Variants in GUCY2F observed in about 807,000 individuals in gnomAD.
GUCY2F encodes the protein retinal guanylyl cyclase 2.
Under a neutral mutation model 73.1 loss-of-function variants are expected in GUCY2F, and 61 were observed. That is an observed-to-expected ratio of 0.83 (90% CI 0.68 to 1.03). GUCY2F has a LOEUF of 1.03. GUCY2F is among the 50% of genes least tolerant of loss of function. The pLI is 0.00. For missense variants in GUCY2F, 912 were observed against 854.3 expected, an observed-to-expected ratio of 1.07 and a Z score of -0.84; for synonymous variants, 331 against 307.8, an observed-to-expected ratio of 1.08 and a Z score of -0.79.
intron 6 of GUCY2F, among the ~76,000 whole-genome samples, chrX:109,443,251 C>T (rs1482834263): frequency 9.0e-6 from 1 of 111,022 alleles, no homozygotes; most frequent in African/African-American, 3.3e-5. Context: ...AGGGTAATGC[C>T]ATCCTTTTCC....
rs1203843063 is a variant in GUCY2F at position 109,475,440 on chromosome X, GA to G, written c.496del (p.Ser166LeufsTer12). Reference sequence around the variant, plus strand: ...CCGGATGGGAGAAGGGAGTGTCCGAGAAAAGGTCGGGTAGCTAATTTTATTG... The same window carrying G: ...CCGGATGGGAGAAGGGAGTGTCCGAGAAAGGTCGGGTAGCTAATTTTATTG... ...LDNKISYPTFSRTLPSPIRVL... is the reference protein window; with the variant it reads ...LDNKISYPTFXRTLPSPIRVL... On this transcript the variant is annotated frameshift_variant, in exon 2 of 20. Coordinates refer to ENST00000218006, the MANE Select transcript of GUCY2F (RefSeq NM_001522.3). LOFTEE classifies it high-confidence loss of function. 8.3e-7 allele frequency: 1 copy of G among 1,211,300 alleles called. No individual in the cohort carries two copies.
In GUCY2F at chrX:109,453,647, T is replaced by C. The variant is rs759927502; in HGVS notation, c.1245A>G (p.Glu415=). The change falls in exon 4 of 20, where the codon GAA becomes GAG. Residue 415 remains glutamate, a synonymous_variant. Coordinates refer to ENST00000218006, the MANE Select transcript of GUCY2F (RefSeq NM_001522.3). ...EYVILDTNLK[E]WELHSTYTVD... ...CAGTGTAGGTGCTATGGAGTTCCCA[T>C]TCTTTCAAGTTGGTGTCCAGGATTA... 1.7e-6 allele frequency: 2 copies of C among 1,200,480 alleles called. No homozygotes were observed. Among genetic ancestry groups the C allele is most frequent in the East Asian group, 5.9e-5 (2 of 33,715 alleles).
intron 7 of GUCY2F, among the ~76,000 whole-genome samples, chrX:109,438,276 G>A (rs951971448): frequency 8.9e-5 from 10 of 111,923 alleles, no homozygotes; most frequent in Admixed American, 3.8e-4. Flanking sequence ...CTATGTCTTC[G>A]CATGGCAGAA....
At chrX:109,434,662 T>C (rs1931694953) in intron 7 of GUCY2F, among the ~76,000 whole-genome samples, 1 of 110,396 alleles carries the variant, frequency 9.1e-6, no homozygotes, top group African/African-American at 3.3e-5. Context: ...TGGCTTTTGT[T>C]GCCATTGCTT....
intron 3 of GUCY2F, among the ~76,000 whole-genome samples, chrX:109,461,566 TCTCTCACTAAA>T (rs1932361008): frequency 8.9e-6 from 1 of 111,959 alleles, no homozygotes; most frequent in Admixed American, 9.4e-5. Context: ...ATTATCTGTC[TCTCTCACTAAA>T]ATCTAAGGTC....
chrX:109,430,247 G>A, intron 8 of GUCY2F, 60 bp downstream of exon 8: 1 of 653,734 alleles, frequency 1.5e-6, no homozygotes, highest in African/African-American at 2.1e-5. Context: ...TCTGATGTTA[G>A]TTACTTTGGA....
intron 7 of GUCY2F, among the ~76,000 whole-genome samples, chrX:109,436,748 A>T (rs929280613): frequency 1.9e-5 from 2 of 108,072 alleles, no homozygotes; most frequent in African/African-American, 6.8e-5. Context: ...GAGCACATGG[A>T]CACAGGAAGG....
In GUCY2F at chrX:109,457,875, A is replaced by G. The variant is rs181181908; in HGVS notation, c.1033-4016T>C. Among the ~76,000 whole-genome samples the G allele has an allele frequency of 4.2e-3, 475 of 112,564 alleles. 2 individuals are homozygous for G. Among genetic ancestry groups the G allele is most frequent in the African/African-American group, 0.015 (455 of 31,049 alleles). ...AATATCCAAAATATGTGTTCCAGCC[A>G]TATACATTTGTGGCCAATAGAATTT... On this transcript the variant is annotated intron_variant, in intron 3 of 19. Transcript: ENST00000218006.
chrX:109,389,268 C>T (rs770777750), intron 14 of GUCY2F, among the ~76,000 whole-genome samples: 2 of 111,876 alleles, frequency 1.8e-5, no homozygotes, highest in Non-Finnish European at 3.8e-5. Flanking sequence ...TTGCAGGGGA[C>T]GGTTAGGGCT....
chrX:109,375,803 C>A, intron 19 of GUCY2F, 95 bp downstream of exon 19: 1 of 621,238 alleles, frequency 1.6e-6, no homozygotes. Context: ...ACTATGCCAA[C>A]AGAGTATAGG....
intron 10 of GUCY2F, among the ~76,000 whole-genome samples, chrX:109,400,173 G>C (rs1233422276): frequency 9.2e-6 from 1 of 108,530 alleles, no homozygotes; most frequent in Admixed American, 9.9e-5. Context: ...CAGCTAGGAA[G>C]TTATTGCAGT....
At chrX:109,399,343 C>G (rs1930785321) in intron 10 of GUCY2F, among the ~76,000 whole-genome samples, 1 of 112,163 alleles carries the variant, frequency 8.9e-6, no homozygotes, top group South Asian at 3.7e-4. Context: ...CATATGCACC[C>G]CTAACTGCAA....
intron 19 of GUCY2F, among the ~76,000 whole-genome samples, chrX:109,374,050 G>A (rs1930121376): frequency 8.9e-6 from 1 of 112,296 alleles, no homozygotes; most frequent in African/African-American, 3.2e-5. Context: ...CAGCAAGTCA[G>A]TGGCATTCAT....
intron 3 of GUCY2F, among the ~76,000 whole-genome samples, chrX:109,462,000 TGA>T (rs756552491): frequency 8.9e-6 from 1 of 112,553 alleles, no homozygotes; most frequent in South Asian, 3.7e-4. Context: ...CTGGAAATAT[TGA>T]GAGACTCTCT....
intron 7 of GUCY2F, among the ~76,000 whole-genome samples, chrX:109,431,551 C>T (rs1177788998): frequency 9.1e-6 from 1 of 109,766 alleles, no homozygotes; most frequent in Non-Finnish European, 1.9e-5. Flanking sequence ...ACAAAAAAAT[C>T]AGCCGGGCGT....
rs755383705 is a variant in GUCY2F at position 109,470,298 on chromosome X, T to C, written c.731-4855A>G. Among the ~76,000 whole-genome samples the C allele has an allele frequency of 5.3e-5, 6 of 112,211 alleles. No homozygotes were observed. The South Asian group carries it at 2.2e-3, about 42-fold the overall frequency. Reference sequence around the variant, plus strand: ...TCAATAATTTGATCATTAGTGATCATTTGCCATTCATGAAAGCCAGTTGTC... The same window carrying C: ...TCAATAATTTGATCATTAGTGATCACTTGCCATTCATGAAAGCCAGTTGTC... On this transcript the variant is annotated intron_variant, in intron 2 of 19. Transcript: ENST00000218006.
At chrX:109,377,545 A>G (rs1436777828) in intron 17 of GUCY2F, among the ~76,000 whole-genome samples, 1 of 112,094 alleles carries the variant, frequency 8.9e-6, no homozygotes, top group African/African-American at 3.2e-5. Flanking sequence ...CTTTTTACAC[A>G]GTACCTAGTG....
At chrX:109,447,227 A>G (rs369777206) in intron 6 of GUCY2F, among the ~76,000 whole-genome samples, 3 of 111,601 alleles carry the variant, frequency 2.7e-5, no homozygotes, top group Admixed American at 9.4e-5. Context: ...CGATTCCTCA[A>G]GGATCTAGAA....
intron 15 of GUCY2F, among the ~76,000 whole-genome samples, chrX:109,385,799 A>G (rs907853914): frequency 8.9e-6 from 1 of 112,233 alleles, no homozygotes; most frequent in African/African-American, 3.2e-5. Context: ...AGCAGTATGT[A>G]TATATAATCA....
Sources: gnomAD v4.1 joint callset for allele counts (sites outside exome capture counted in the v4.1 genomes callset) on GRCh38, gnomAD v4.1.1 for gene constraint, MANE v1.5 for transcripts, NCBI Gene and HGNC (gene_info 2026-07-23, HGNC 2026-07-21) for gene names.